Variants in GABRA3 observed in about 807,000 individuals in gnomAD.
GABRA3 encodes gamma-aminobutyric acid receptor subunit alpha-3.
Under a neutral mutation model 30.1 loss-of-function variants are expected in GABRA3, and 10 were observed. The observed-to-expected ratio is 0.33, with a 90% CI of 0.20 to 0.56. GABRA3 has a LOEUF of 0.56. GABRA3 is among the 20% of genes least tolerant of loss of function. The probability of loss-of-function intolerance (pLI) is 0.89; values close to 1 mark genes in which losing one functional copy is unlikely to be tolerated. For synonymous variants in GABRA3, 151 were observed against 146.8 expected (o/e 1.03, Z -0.21); for missense variants, 233 against 392.0 (o/e 0.59, Z 3.42).
At chrX:152,332,980 A>T (rs1456321155) in intron 3 of GABRA3, among the ~76,000 whole-genome samples, 1 of 111,944 alleles carries the variant, frequency 8.9e-6, no homozygotes, top group African/African-American at 3.2e-5. Context: ...CTCCCTTTGC[A>T]CAAGCCAAGT....
At chrX:152,185,554 A>G (rs1415597725) in intron 9 of GABRA3, among the ~76,000 whole-genome samples, 1 of 111,401 alleles carries the variant, frequency 9.0e-6, no homozygotes, top group Non-Finnish European at 1.9e-5. Flanking sequence ...ATAAAACATC[A>G]TGGAAGCCTT....
intron 3 of GABRA3, among the ~76,000 whole-genome samples, chrX:152,323,318 T>G (rs1376769492): frequency 9.0e-6 from 1 of 111,711 alleles, no homozygotes; most frequent in Non-Finnish European, 1.9e-5. Context: ...ATTTTGAATG[T>G]CAGTTCTAGT....
chrX:152,199,470 G>C (rs1937449477), intron 7 of GABRA3, among the ~76,000 whole-genome samples: 1 of 93,087 alleles, frequency 1.1e-5, no homozygotes, highest in Non-Finnish European at 2.2e-5. Flanking sequence ...ACTAGGGAGA[G>C]GCAAGGGACA....
At position 152,315,049 on chromosome X, in the gene GABRA3, C is replaced by T. The variant is rs764251780; in HGVS notation, c.263-30314G>A. The stretch of plus-strand genomic sequence containing the variant: ...GGGCAGACAGAGCAGCATGTGGAGA[C>T]TCGCACCATGAACTTCTGGTCCAAG... On this transcript the variant is annotated intron_variant, in intron 3 of 9. Transcript: ENST00000370314. Among the ~76,000 whole-genome samples the T allele has an allele frequency of 4.5e-5, 5 of 111,379 alleles. No individual in the cohort carries two copies. The South Asian group carries it at 1.9e-3, about 43-fold the overall frequency.
Position 152,368,668 on chromosome X carries a change from C to T in GABRA3, c.-26-4072G>A, listed in dbSNP as rs985588405. Among the ~76,000 whole-genome samples, 3 of 105,605 alleles carry T rather than the reference C, an allele frequency of 2.8e-5. No homozygotes were observed. In the East Asian group the frequency reaches 8.8e-4, roughly 31 times the overall value. 91.7% of individuals were successfully genotyped at this position (105,605 alleles called of 115,157 possible). On this transcript the variant is annotated intron_variant, in intron 1 of 9. Coordinates refer to ENST00000370314, the MANE Select transcript of GABRA3 (RefSeq NM_000808.4). The stretch of plus-strand genomic sequence containing the variant: ...GGATATATAACCAGTAGTGAGATTG[C>T]TGAATCATGTAACTCTATTTTTAAT...
intron 6 of GABRA3, among the ~76,000 whole-genome samples, chrX:152,214,103 T>G (rs999205769): frequency 9.0e-6 from 1 of 111,014 alleles, no homozygotes; most frequent in Non-Finnish European, 1.9e-5. Context: ...GAATCTCCAG[T>G]GTGTATTATT....
chrX:152,326,890 T>C (rs1940069628), intron 3 of GABRA3, among the ~76,000 whole-genome samples: 1 of 111,196 alleles, frequency 9.0e-6, no homozygotes, highest in African/African-American at 3.3e-5. Flanking sequence ...AATGCTCCAA[T>C]TGAAAGACAC....
intron 6 of GABRA3, among the ~76,000 whole-genome samples, chrX:152,223,514 C>T (rs1053904873): frequency 1.8e-5 from 2 of 110,205 alleles, no homozygotes; most frequent in African/African-American, 6.6e-5. Context: ...ATTACCTGGC[C>T]CCCACTTTGA....
chrX:152,371,114 G>T (rs1159326239), intron 1 of GABRA3, among the ~76,000 whole-genome samples: 2 of 110,549 alleles, frequency 1.8e-5, no homozygotes, highest in Non-Finnish European at 3.8e-5. Context: ...TAATATATCT[G>T]GAAAAATCTG....
chrX:152,225,513 C>A (rs1937934445), intron 5 of GABRA3, among the ~76,000 whole-genome samples: 1 of 109,248 alleles, frequency 9.2e-6, no homozygotes, highest in Non-Finnish European at 1.9e-5. Context: ...TCGGAAACCT[C>A]AGAGGTCAAG....
intron 1 of GABRA3, among the ~76,000 whole-genome samples, chrX:152,421,189 C>T (rs1177140665): frequency 9.1e-6 from 1 of 110,112 alleles, no homozygotes; most frequent in Admixed American, 9.8e-5. Flanking sequence ...ACAGTAAGTC[C>T]TCACCTTAAT....
intron 4 of GABRA3, among the ~76,000 whole-genome samples, chrX:152,266,691 C>T (rs1422248660): frequency 9.0e-6 from 1 of 111,224 alleles, no homozygotes; most frequent in Admixed American, 9.6e-5. Context: ...GCTTGAACAT[C>T]CTATCATTAA....
intron 4 of GABRA3, among the ~76,000 whole-genome samples, chrX:152,274,979 T>C (rs1396427303): frequency 2.0e-5 from 2 of 102,418 alleles, no homozygotes; most frequent in Non-Finnish European, 3.9e-5. Context: ...TGGAGCCCAA[T>C]TACACTATTT....
At chrX:152,449,644 C>T (rs188499975) in intron 1 of GABRA3, among the ~76,000 whole-genome samples, 1 of 110,980 alleles carries the variant, frequency 9.0e-6, no homozygotes, top group Non-Finnish European at 1.9e-5. Context: ...AAAGCCAGGC[C>T]GCTACTTTCC....
intron 4 of GABRA3, among the ~76,000 whole-genome samples, chrX:152,276,086 C>A (rs1939079695): frequency 9.1e-6 from 1 of 110,077 alleles, no homozygotes; most frequent in Admixed American, 9.9e-5. Flanking sequence ...GGAAGAGTTA[C>A]AAAATTTCAA....
chrX:152,394,516 T>C (rs1280440466), intron 1 of GABRA3: 2 of 386,651 alleles, frequency 5.2e-6, no homozygotes, highest in Admixed American at 5.1e-5. Context: ...CAACATGAGC[T>C]GATACCAGGT....
At chrX:152,392,641 A>C (rs1929521586) in intron 1 of GABRA3, among the ~76,000 whole-genome samples, 1 of 111,929 alleles carries the variant, frequency 8.9e-6, no homozygotes, top group Non-Finnish European at 1.9e-5. Context: ...CAATACATGA[A>C]TGATTATTTC....
intron 3 of GABRA3, among the ~76,000 whole-genome samples, chrX:152,296,088 G>C (rs1240412934): frequency 8.9e-6 from 1 of 112,292 alleles, no homozygotes; most frequent in Non-Finnish European, 1.9e-5. Flanking sequence ...GAGGTTTTGA[G>C]GATTTGGGCT....
At chrX:152,243,995 T>G (rs1695449573) in intron 5 of GABRA3, among the ~76,000 whole-genome samples, 1 of 112,409 alleles carries the variant, frequency 8.9e-6, no homozygotes, top group Non-Finnish European at 1.9e-5. Context: ...AAGTACATTT[T>G]CAAAACAAGC....
Sources: gnomAD v4.1 joint callset for allele counts (sites outside exome capture counted in the v4.1 genomes callset) on GRCh38, gnomAD v4.1.1 for gene constraint, MANE v1.5 for transcripts, NCBI Gene and HGNC (gene_info 2026-07-23, HGNC 2026-07-21) for gene names.